DLL1: variants seen among roughly 807,000 people sequenced by gnomAD.
DLL1 encodes delta like canonical Notch ligand 1, also known as delta-like protein 1.
A neutral mutation model predicts 75.1 loss-of-function variants in DLL1; 9 were observed. The observed-to-expected ratio is 0.12, with a 90% CI of 0.07 to 0.21. The LOEUF (loss-of-function observed/expected upper bound fraction) is 0.21, where lower values mean the gene tolerates loss of function less well. DLL1 is among the 10% of genes least tolerant of loss of function. The pLI is 1.00. For missense variants in DLL1, 837 were observed against 1,007.6 expected (o/e 0.83, Z 2.29); for synonymous variants, 477 against 418.3 (o/e 1.14, Z -1.71).
chr6:170,283,164 C>G, intron 9 of DLL1, 59 bp from the exon 10 acceptor site: 5 of 1,613,468 alleles, frequency 3.1e-6, no homozygotes, highest in Non-Finnish European at 3.4e-6. Flanking sequence ...GGAAGAGAAA[C>G]GGAGCAGTGG....
intron 10 of DLL1, 30 bp downstream of exon 10, chr6:170,282,958 G>T (rs775515316): frequency 6.2e-7 from 1 of 1,614,072 alleles, no homozygotes; most frequent in Admixed American, 1.7e-5. Context: ...CCATGCCGAG[G>T]AGGAGGGAGC....
intron 2 of DLL1, 84 bp downstream of exon 2, chr6:170,289,428 C>G (rs1783795529): frequency 6.6e-7 from 1 of 1,509,900 alleles, no homozygotes; most frequent in Non-Finnish European, 8.8e-7. Flanking sequence ...GTCCCGCCAC[C>G]GAGCGCCCAA....
At chr6:170,284,115 C>T in intron 8 of DLL1, 86 bp from the exon 9 acceptor site, 2 of 1,502,104 alleles carry the variant, frequency 1.3e-6, no homozygotes, top group Non-Finnish European at 1.8e-6. Context: ...CTGTCTGACA[C>T]TGTAGAAACC....
At position 170,285,774 on chromosome 6, in the gene DLL1, C is replaced by G. The variant is rs1390032647; in HGVS notation, c.732-75G>C. On this transcript the variant is annotated intron_variant, in intron 5 of 10. Coordinates refer to ENST00000366756, the MANE Select transcript of DLL1 (RefSeq NM_005618.4). ...GCAGTGGACATTCTCACCCTAGAAA[C>G]CATCTTCCCGCAGCACCAGTGAGCC... The G allele has an allele frequency of 5.6e-6, 9 of 1,597,002 alleles. No individual in the cohort carries two copies. The Admixed American group carries it at 1.5e-4, about 27-fold the overall frequency.
At chr6:170,283,137 A>G (rs1478285647) in intron 9 of DLL1, 32 bp from the exon 10 acceptor site, 1 of 1,613,742 alleles carries the variant, frequency 6.2e-7, no homozygotes, top group African/African-American at 1.3e-5. Context: ...TCCACAATGA[A>G]TGCATGAGAA....
At position 170,285,282 on chromosome 6, in the gene DLL1, C is replaced by T. The variant is rs777677520; in HGVS notation, c.1004G>A (p.Ser335Asn). 1 of 1,614,192 alleles carries T rather than the reference C, an allele frequency of 6.2e-7. No homozygotes were observed. The highest frequency in any genetic ancestry group is 1.3e-5 in the African/African-American group (1 of 75,046). The change falls in exon 7 of 11, where the codon AGC (serine) becomes AAC (asparagine). Residue 335 changes from serine to asparagine, a missense_variant. By Grantham distance (46) the Ser-to-Asn change is conservative. Around this residue, in one of 2 missense-constraint regions of DLL1, gnomAD observed 304 missense variants for 461.9 expected, o/e 0.66. Transcript: ENST00000366756. The part of the protein sequence containing the change: ...CELGIDECDP[S>N]PCKNGGSCTD... ...GCAGCTCCCTCCGTTCTTACAAGGG[C>T]TGGGGTCACACTCGTCAATCCCCAG...
Position 170,290,254 on chromosome 6 carries a change from C to G in DLL1, c.-115G>C, listed in dbSNP as rs1010354294. The G allele has an allele frequency of 7.1e-6, 9 of 1,275,478 alleles. No homozygotes were observed. The highest frequency in any genetic ancestry group is 2.7e-5 in the East Asian group (1 of 36,702). The allele number at this position is 1,275,478 out of a possible 1,614,324, so 79.0% of individuals were successfully genotyped here. Reference sequence around the variant, plus strand: ...AGCGTGGGCAGAAAAGCGCCCTTGCCTCGCCCCAGACCGCAGGACCCAGGA... The same window carrying G: ...AGCGTGGGCAGAAAAGCGCCCTTGCGTCGCCCCAGACCGCAGGACCCAGGA... On this transcript the variant is annotated 5_prime_UTR_variant, in exon 1 of 11. Transcript: ENST00000366756. The surrounding 1 kb of genome is among the most constrained non-coding windows in gnomAD (Gnocchi z 4.7).
chr6:170,283,843 C>T lies in DLL1; in HGVS notation c.1436G>A (p.Ser479Asn). The T allele has an allele frequency of 6.2e-7, 1 of 1,604,282 alleles. No individual in the cohort carries two copies. The highest frequency in any genetic ancestry group is 8.5e-7 in the Non-Finnish European group (1 of 1,178,412). Residue 479 changes from serine to asparagine, a missense_variant, in exon 9 of 11, where the codon AGT becomes AAT. Ser to Asn is a conservative substitution (Grantham distance 46). Transcript: ENST00000366756. ...CPPGYTGRNC[S>N]APVSRCEHAP... ...GTGCTCGCACCTGCTGACGGGGGCACTGCAGTTCCTGCCCGTGTAGCCAGG... is the reference window on the plus strand; with the variant it reads ...GTGCTCGCACCTGCTGACGGGGGCATTGCAGTTCCTGCCCGTGTAGCCAGG...
rs1783591130 is a variant in DLL1 at position 170,282,889 on chromosome 6, C to A, written c.2167-10G>T. The A allele has an allele frequency of 1.9e-6, 3 of 1,614,072 alleles. No individual in the cohort carries two copies. Among genetic ancestry groups the A allele is most frequent in the Admixed American group, 3.3e-5 (2 of 60,000 alleles). On this transcript the variant is annotated splice_polypyrimidine_tract_variant and intron_variant, in intron 10 of 10. Coordinates refer to ENST00000366756, the MANE Select transcript of DLL1 (RefSeq NM_005618.4). Reference sequence around the variant, plus strand: ...CACTTCCATTTTACACCTGGGGGGCCACAAGACAAATGGGAAGTTAGCCTG... The same window carrying A: ...CACTTCCATTTTACACCTGGGGGGCAACAAGACAAATGGGAAGTTAGCCTG...
chr6:170,284,130 A>G, intron 8 of DLL1, 101 bp from the exon 9 acceptor site: 1 of 1,465,828 alleles, frequency 6.8e-7, no homozygotes, highest in Non-Finnish European at 9.2e-7. Context: ...GAAACCAGAC[A>G]AACCAAAGAC....
At position 170,283,361 on chromosome 6, in the gene DLL1, C is replaced by G; in HGVS notation, c.1918G>C (p.Asp640His). Reference protein sequence around the residue: ...NGFKARYPAVDYNLVQDLKGD... With the variant: ...NGFKARYPAVHYNLVQDLKGD... Reference sequence around the variant, plus strand: ...TTGAGGTCCTGCACGAGGTTATAGTCCACCGCTGGGTAGCGGGCCTTGAAG... The same window carrying G: ...TTGAGGTCCTGCACGAGGTTATAGTGCACCGCTGGGTAGCGGGCCTTGAAG... The change falls in exon 9 of 11, where the codon GAC becomes CAC. Residue 640 changes from aspartate (D) to histidine (H), a missense_variant. By Grantham distance (81) the Asp-to-His change is moderately conservative (BLOSUM62 -1). Coordinates refer to ENST00000366756, the MANE Select transcript of DLL1 (RefSeq NM_005618.4). The G allele has an allele frequency of 6.2e-7, 1 of 1,612,466 alleles. No individual in the cohort carries two copies. Among genetic ancestry groups the G allele is most frequent in the South Asian group, 1.1e-5 (1 of 91,080 alleles).
Sources: allele counts gnomAD v4.1 joint callset, GRCh38; gene constraint gnomAD v4.1.1; regional missense constraint gnomAD v4.1.1; non-coding constraint Gnocchi (gnomAD v3.1); transcripts MANE v1.5; gene names NCBI Gene and HGNC (gene_info 2026-07-23, HGNC 2026-07-21).